ACAP2: variants seen among roughly 807,000 people sequenced by gnomAD.
The protein encoded by ACAP2 is arf-GAP with coiled-coil, ANK repeat and PH domain-containing protein 2.
In ACAP2, 39 loss-of-function variants were observed where a neutral mutation model predicts 115.8. That is an observed-to-expected ratio of 0.34 (90% CI 0.26 to 0.44). ACAP2 has a LOEUF of 0.44. Ranked by LOEUF, ACAP2 falls within the 20% of genes least tolerant of loss-of-function variation. ACAP2 has a pLI of 1.00. For missense variants in ACAP2, 662 were observed against 927.6 expected, an observed-to-expected ratio of 0.71 and a Z score of 3.72; for synonymous variants, 289 against 315.8, an observed-to-expected ratio of 0.92 and a Z score of 0.90.
chr3:195,365,871 T>A (rs939109995), intron 4 of ACAP2, among the ~76,000 whole-genome samples: 5 of 151,566 alleles, frequency 3.3e-5, no homozygotes, highest in African/African-American at 1.2e-4. Context: ...GACAGTGTCT[T>A]CCTTTGCCGC....
At chr3:195,342,321 G>T in intron 6 of ACAP2, 150 bp downstream of exon 6, 1 of 676,104 alleles carries the variant, frequency 1.5e-6, no homozygotes, top group Non-Finnish European at 2.3e-6. Flanking sequence ...TACACTAATA[G>T]CTACACAGAT....
intron 2 of ACAP2, among the ~76,000 whole-genome samples, chr3:195,389,970 C>T (rs62288364): frequency 6.6e-6 from 1 of 151,970 alleles, no homozygotes; most frequent in Non-Finnish European, 1.5e-5. Flanking sequence ...CCGAGGCGGG[C>T]GGATTGCCTG....
chr3:195,364,985 CGA>C (rs1732618205), intron 4 of ACAP2, among the ~76,000 whole-genome samples: 2 of 152,040 alleles, frequency 1.3e-5, no homozygotes, highest in Non-Finnish European at 2.9e-5. Context: ...ACAACATGGA[CGA>C]AACTAGACGT....
At chr3:195,295,292 C>T (rs1727568305) in intron 17 of ACAP2, 1 of 1,292,358 alleles carries the variant, frequency 7.7e-7, no homozygotes. Context: ...TCGCTATTTA[C>T]AGCAATCACT....
chr3:195,424,465 T>A (rs1483051458), intron 1 of ACAP2, among the ~76,000 whole-genome samples: 5 of 150,700 alleles, frequency 3.3e-5, no homozygotes, highest in Non-Finnish European at 5.9e-5. Context: ...CCAGCTAATT[T>A]TTTTTGTATT....
At chr3:195,367,894 C>G (rs1417740799) in intron 4 of ACAP2, among the ~76,000 whole-genome samples, 1 of 152,232 alleles carries the variant, frequency 6.6e-6, no homozygotes, top group East Asian at 1.9e-4. Flanking sequence ...ACCCAGCCAG[C>G]ACCAACTAGA....
intron 4 of ACAP2, among the ~76,000 whole-genome samples, chr3:195,355,882 G>A (rs934657941): frequency 2.6e-5 from 4 of 152,084 alleles, no homozygotes; most frequent in African/African-American, 9.7e-5. Flanking sequence ...TATTATTCAG[G>A]GCCAGGCAAA....
At chr3:195,417,255 ATC>A (rs1253217105) in intron 1 of ACAP2, among the ~76,000 whole-genome samples, 2 of 151,474 alleles carry the variant, frequency 1.3e-5, no homozygotes, top group Non-Finnish European at 2.9e-5. Context: ...TCCAACCTAG[ATC>A]TCTCTCAGAG....
intron 1 of ACAP2, chr3:195,410,925 G>A (rs374738571): frequency 3.2e-6 from 1 of 315,130 alleles, no homozygotes; most frequent in Non-Finnish European, 6.4e-6. Flanking sequence ...ACATCAACAA[G>A]GTGCCATCTT....
At chr3:195,295,545 T>C in intron 17 of ACAP2, 163 bp downstream of exon 17, 1 of 765,910 alleles carries the variant, frequency 1.3e-6, no homozygotes, top group Non-Finnish European at 2.1e-6. Flanking sequence ...TTGTTTAAAG[T>C]TAACTATTTT....
rs551993798 is a variant in ACAP2 at position 195,275,506 on chromosome 3, A to T, written c.*3822T>A. The stretch of plus-strand genomic sequence containing the variant: ...CTTCAAACTTTTATCCAGGTTCTCC[A>T]GAATATTTGGAGTCTTTGTTATCAA... On this transcript the variant is annotated 3_prime_UTR_variant, in exon 23 of 23. Transcript: ENST00000326793. The T allele has an allele frequency of 1.3e-4, 20 of 152,370 alleles. No homozygotes were observed. The highest frequency in any genetic ancestry group is 4.1e-4 in the African/African-American group (17 of 41,598). 9.4% of individuals were successfully genotyped at this position (152,370 alleles called of 1,614,324 possible). A position where few individuals can be genotyped will look rare whatever the true frequency, so the allele number is the denominator to read the frequency against.
At chr3:195,365,775 T>C (rs533344010) in intron 4 of ACAP2, among the ~76,000 whole-genome samples, 1 of 151,978 alleles carries the variant, frequency 6.6e-6, no homozygotes, top group Non-Finnish European at 1.5e-5. Flanking sequence ...TTTGCAATCA[T>C]CAGGAATTGC....
intron 6 of ACAP2, among the ~76,000 whole-genome samples, chr3:195,340,446 G>A (rs535001780): frequency 6.6e-6 from 1 of 152,120 alleles, no homozygotes; most frequent in African/African-American, 2.4e-5. Flanking sequence ...AACAGGTGGT[G>A]ATTCAAGCAA....
intron 2 of ACAP2, 36 bp from the exon 3 acceptor site, chr3:195,382,058 T>C (rs2275518): frequency 0.25 from 403,703 of 1,585,324 alleles, 58,477 homozygotes; most frequent in East Asian, 0.72. Context: ...AGGTTGAAGA[T>C]AGTTTTACAA....
At chr3:195,292,921 CAAAAA>C (rs3988217) in intron 18 of ACAP2, among the ~76,000 whole-genome samples, 3 of 76,720 alleles carry the variant, frequency 3.9e-5, no homozygotes, top group Non-Finnish European at 7.2e-5. Flanking sequence ...GACTCAGTCT[CAAAAA>C]AAAAAAAAAA....
In ACAP2 at chr3:195,279,304, A is replaced by C. The variant is rs1447619781; in HGVS notation, c.*24T>G. ...ATACATTAGGGGGTCACCAGATTTC[A>C]TATTTTCCCATTTTTAAAAAAATTC... On this transcript the variant is annotated 3_prime_UTR_variant, in exon 23 of 23. Transcript: ENST00000326793. 2 of 1,524,400 alleles carry C rather than the reference A, an allele frequency of 1.3e-6. No homozygotes were observed. Among genetic ancestry groups the C allele is most frequent in the Non-Finnish European group, 1.8e-6 (2 of 1,107,738 alleles). 94.4% of individuals were successfully genotyped at this position (1,524,400 alleles called of 1,614,324 possible).
At chr3:195,368,644 ATTC>A (rs1163035443) in intron 4 of ACAP2, among the ~76,000 whole-genome samples, 1 of 152,146 alleles carries the variant, frequency 6.6e-6, no homozygotes, top group African/African-American at 2.4e-5. Flanking sequence ...AGTATTACAG[ATTC>A]TTATTAGAAT....
intron 4 of ACAP2, among the ~76,000 whole-genome samples, chr3:195,358,667 A>G (rs1275478229): frequency 6.6e-6 from 1 of 152,112 alleles, no homozygotes; most frequent in African/African-American, 2.4e-5. Context: ...GCCCTGTTTA[A>G]AAACAGAGAA....
At chr3:195,310,966 A>G (rs1310073881) in intron 10 of ACAP2, among the ~76,000 whole-genome samples, 2 of 152,090 alleles carry the variant, frequency 1.3e-5, no homozygotes, top group Non-Finnish European at 2.9e-5. Flanking sequence ...CTCCATTGCT[A>G]TTATAAATTA....
Sources: gnomAD v4.1 joint callset for allele counts (sites outside exome capture counted in the v4.1 genomes callset) on GRCh38, gnomAD v4.1.1 for gene constraint, MANE v1.5 for transcripts, NCBI Gene and HGNC (gene_info 2026-07-23, HGNC 2026-07-21) for gene names.